Variants in ASTN2 observed in about 807,000 individuals in gnomAD.
The protein encoded by ASTN2 is astrotactin-2.
A neutral mutation model predicts 139.8 loss-of-function variants in ASTN2; 54 were observed. The observed-to-expected ratio is 0.39, with a 90% CI of 0.31 to 0.48. The LOEUF is 0.48. Among genes scored for constraint, ASTN2 ranks in the 20% least tolerant of loss-of-function variants. ASTN2 has a pLI of 0.95. For synonymous variants in ASTN2, 756 were observed against 719.5 expected, an observed-to-expected ratio of 1.05 and a Z score of -0.81; for missense variants, 1,565 against 1,725.1, an observed-to-expected ratio of 0.91 and a Z score of 1.64.
chr9:117,383,380 C>T (rs1019657680), intron 1 of ASTN2, among the ~76,000 whole-genome samples: 12 of 152,172 alleles, frequency 7.9e-5, no homozygotes, highest in African/African-American at 2.9e-4. Flanking sequence ...GAAGGAATTA[C>T]TCAGGAACTT....
rs567913198 is a variant in ASTN2, at chr9:116,699,910, A to G, written c.2806+25861T>C. ...CCACCTAAATTTAGAGCTTTAAAAG[A>G]TGCACTGCCCAAATAGGACACACGA... On this transcript the variant is annotated intron_variant, in intron 16 of 22. Transcript: ENST00000313400. This position sits in a 1 kb window ranked among gnomAD's most constrained non-coding sequence, Gnocchi z 4.2. 41 of 700,222 alleles carry G rather than the reference A, an allele frequency of 5.9e-5. No homozygotes were observed. The highest frequency in any genetic ancestry group is 8.1e-4 in the Middle Eastern group (2 of 2,476). 43.4% of individuals were successfully genotyped at this position (700,222 alleles called of 1,614,324 possible). A position where few individuals can be genotyped will look rare whatever the true frequency, so the allele number is the denominator to read the frequency against.
rs142928040 is a variant in ASTN2 at position 116,444,193 on chromosome 9, T to G, written c.3498-1640A>C. ...TAGGACTGGCAATTTAAACCTTGGT[T>G]TCTCAGACTCTAAAATTCATACATG... is the stretch of plus-strand genomic sequence containing the variant. On this transcript the variant is annotated intron_variant, in intron 20 of 22. Transcript: ENST00000313400. Among the ~76,000 whole-genome samples the G allele has an allele frequency of 5.7e-3, 866 of 152,244 alleles. 8 individuals carry two copies. Among genetic ancestry groups the G allele is most frequent in the Middle Eastern group, 0.01 (3 of 294 alleles).
Position 117,143,816 on chromosome 9 carries a change from GA to G in ASTN2, c.1016-2339del, listed in dbSNP as rs146200139. On this transcript the variant is annotated intron_variant, in intron 3 of 22. Coordinates refer to ENST00000313400, the MANE Select transcript of ASTN2 (RefSeq NM_001365068.1). Reference sequence around the variant, plus strand: ...GGAAAGAGAGAGAGAAAGAGAGAGAGAAAAAAAAAACCTCTCCCTTCCTCTT... The same window carrying G: ...GGAAAGAGAGAGAGAAAGAGAGAGAGAAAAAAAAACCTCTCCCTTCCTCTT... Among the ~76,000 whole-genome samples, 12 of 146,950 alleles carry G rather than the reference GA, an allele frequency of 8.2e-5. No homozygotes were observed. In the East Asian group the frequency reaches 1.0e-3, roughly 12 times the overall value.
chr9:117,389,009 C>T (rs1047294775), intron 1 of ASTN2, among the ~76,000 whole-genome samples: 1 of 152,170 alleles, frequency 6.6e-6, no homozygotes, highest in African/African-American at 2.4e-5. Context: ...GAATGTTTAA[C>T]TAATCCTTAC....
chr9:116,841,571 C>T (rs538701500), intron 11 of ASTN2, among the ~76,000 whole-genome samples: 8 of 152,146 alleles, frequency 5.3e-5, no homozygotes, highest in Admixed American at 2.6e-4. Flanking sequence ...GTGAAAATAA[C>T]GAGACTAAAC....
At chr9:116,826,328 A>G (rs1831626431) in intron 11 of ASTN2, among the ~76,000 whole-genome samples, 1 of 152,138 alleles carries the variant, frequency 6.6e-6, no homozygotes, top group Non-Finnish European at 1.5e-5. Flanking sequence ...GAAGGACCCC[A>G]TCCTTTCTGG....
intron 20 of ASTN2, among the ~76,000 whole-genome samples, chr9:116,454,041 G>A (rs927853046): frequency 6.6e-6 from 1 of 152,210 alleles, no homozygotes; most frequent in Non-Finnish European, 1.5e-5. Context: ...TGGGTCACTA[G>A]ATGTCTTCAC....
chr9:117,249,161 G>A lies in ASTN2; in HGVS notation c.631-34419C>T, dbSNP rs879315661. 3.9e-5 allele frequency among the ~76,000 whole-genome samples: 6 copies of A among 152,296 alleles called. No homozygotes were observed. In the East Asian group the frequency reaches 5.8e-4, roughly 15 times the overall value. ...TTGATAACCCATAACTGCTGAAGTC[G>A]TATGAAGTTCTTCAAGTAGCTACTT... On this transcript the variant is annotated intron_variant, in intron 2 of 22. Transcript: ENST00000313400.
At chr9:116,939,606 T>A (rs950153790) in intron 10 of ASTN2, among the ~76,000 whole-genome samples, 21 of 152,196 alleles carry the variant, frequency 1.4e-4, no homozygotes, top group Non-Finnish European at 2.9e-4. Context: ...TTTGTGTCAT[T>A]CTTTTGTATT....
rs1828095078 is a variant in ASTN2, at chr9:117,314,938, GTAATA to G, written c.443-23430_443-23426del. On this transcript the variant is annotated intron_variant, in intron 1 of 22. Transcript: ENST00000313400. ...TAAATCTAGCATGATATATTAATAT[GTAATA>G]TAATATACACATAACATAATATTGG... is the stretch of plus-strand genomic sequence containing the variant. Among the ~76,000 whole-genome samples, 11 of 132,534 alleles carry G rather than the reference GTAATA, an allele frequency of 8.3e-5. No individual in the cohort carries two copies. The South Asian group carries it at 2.3e-3, about 27-fold the overall frequency. 86.9% of individuals were successfully genotyped at this position (132,534 alleles called of 152,430 possible). A position where few individuals can be genotyped will look rare whatever the true frequency, so the allele number is the denominator to read the frequency against.
chr9:117,197,873 C>A (rs1324674718), intron 3 of ASTN2, among the ~76,000 whole-genome samples: 1 of 151,984 alleles, frequency 6.6e-6, no homozygotes, highest in African/African-American at 2.4e-5. Flanking sequence ...TTCCTATAAG[C>A]ACTTTAATGA....
At chr9:116,806,158 G>C (rs1831023787) in intron 12 of ASTN2, among the ~76,000 whole-genome samples, 2 of 152,198 alleles carry the variant, frequency 1.3e-5, no homozygotes, top group Admixed American at 6.5e-5. Flanking sequence ...TCATCAACTA[G>C]TGTCTCAAAC....
intron 17 of ASTN2, among the ~76,000 whole-genome samples, chr9:116,643,791 G>C (rs920251735): frequency 6.6e-6 from 1 of 152,124 alleles, no homozygotes; most frequent in Admixed American, 6.5e-5. Flanking sequence ...CCTTCTTTAA[G>C]AATTGTTTCC....
chr9:116,469,595 C>G (rs369847493), intron 20 of ASTN2, among the ~76,000 whole-genome samples: 1 of 152,134 alleles, frequency 6.6e-6, no homozygotes, highest in African/African-American at 2.4e-5. Context: ...ATTTATTGAA[C>G]CTTCATGAGC....
chr9:116,955,065 T>C (rs941514783), intron 10 of ASTN2, among the ~76,000 whole-genome samples: 1 of 152,256 alleles, frequency 6.6e-6, no homozygotes, highest in Non-Finnish European at 1.5e-5. Context: ...ATGACAGGGA[T>C]GAGGACTCGA....
chr9:116,478,450 G>A (rs1327842200), intron 20 of ASTN2, among the ~76,000 whole-genome samples: 3 of 152,134 alleles, frequency 2.0e-5, no homozygotes, highest in Non-Finnish European at 2.9e-5. Context: ...ACCCTGGGCT[G>A]CAGCTCAGGC....
At chr9:116,604,122 T>A (rs1389937387) in intron 19 of ASTN2, among the ~76,000 whole-genome samples, 2 of 152,168 alleles carry the variant, frequency 1.3e-5, no homozygotes, top group South Asian at 4.1e-4. Context: ...GCAAGTTCCA[T>A]GAGGGCAGGA....
intron 19 of ASTN2, among the ~76,000 whole-genome samples, chr9:116,505,243 G>A (rs941401001): frequency 1.3e-5 from 2 of 151,588 alleles, no homozygotes; most frequent in African/African-American, 4.9e-5. Flanking sequence ...TAATCGCTTT[G>A]AGGCTACTGA....
chr9:116,795,224 C>G (rs113442969), intron 13 of ASTN2, among the ~76,000 whole-genome samples: 26 of 152,246 alleles, frequency 1.7e-4, no homozygotes, highest in African/African-American at 5.8e-4. Flanking sequence ...GTGATCCACC[C>G]GCCTCGGCTT....
Sources: gnomAD v4.1 joint callset for allele counts (sites outside exome capture counted in the v4.1 genomes callset) on GRCh38, gnomAD v4.1.1 for gene constraint, Gnocchi (gnomAD v3.1) non-coding constraint, MANE v1.5 for transcripts, NCBI Gene and HGNC (gene_info 2026-07-23, HGNC 2026-07-21) for gene names.